Variants in TRAPPC9 observed in about 807,000 individuals in gnomAD.
TRAPPC9 encodes IKK2 binding protein.
In TRAPPC9, 83 loss-of-function variants were observed where a neutral mutation model predicts 124.0. That is an observed-to-expected ratio of 0.67 (90% CI 0.56 to 0.80). The LOEUF (loss-of-function observed/expected upper bound fraction) is 0.80, where lower values mean the gene tolerates loss of function less well. Ranked by LOEUF, TRAPPC9 falls within the 30% of genes least tolerant of loss-of-function variation. The pLI is 0.00. For synonymous variants in TRAPPC9, 638 were observed against 617.5 expected, an observed-to-expected ratio of 1.03 and a Z score of -0.49; for missense variants, 1,302 against 1,508.3, an observed-to-expected ratio of 0.86 and a Z score of 2.27.
chr8:139,988,305 G>A (rs911784661), intron 19 of TRAPPC9, among the ~76,000 whole-genome samples: 1 of 151,854 alleles, frequency 6.6e-6, no homozygotes, highest in Non-Finnish European at 1.5e-5. Context: ...TAGAGACGGG[G>A]TTTCACCATG....
intron 17 of TRAPPC9, among the ~76,000 whole-genome samples, chr8:140,039,029 T>G (rs1841092109): frequency 6.6e-6 from 1 of 152,106 alleles, no homozygotes; most frequent in Non-Finnish European, 1.5e-5. Flanking sequence ...AAGCCTCAGG[T>G]CAATGTGCAG....
chr8:140,351,427 T>C (rs767644389), intron 9 of TRAPPC9, among the ~76,000 whole-genome samples: 4 of 151,852 alleles, frequency 2.6e-5, no homozygotes, highest in South Asian at 2.1e-4. Flanking sequence ...CTTATGTAGG[T>C]AGCATTTACA....
chr8:139,875,343 G>A (rs1277858061), intron 21 of TRAPPC9, among the ~76,000 whole-genome samples: 2 of 152,146 alleles, frequency 1.3e-5, no homozygotes, highest in Non-Finnish European at 2.9e-5. Context: ...CCACAGGGAC[G>A]CAGAAAGGAG....
chr8:140,023,807 G>A (rs1839957470), intron 18 of TRAPPC9, 130 bp downstream of exon 18: 7 of 1,387,130 alleles, frequency 5.0e-6, no homozygotes, highest in South Asian at 4.7e-5. Flanking sequence ...ATCCCAGAGA[G>A]GCTCAGCAAC....
intron 15 of TRAPPC9, among the ~76,000 whole-genome samples, chr8:140,273,593 T>G (rs551629428): frequency 4.4e-4 from 67 of 152,338 alleles, no homozygotes; most frequent in African/African-American, 1.5e-3. Flanking sequence ...TCCCCTTTCT[T>G]GGCCAAAGGC....
At chr8:140,392,491 T>C (rs764874940) in intron 7 of TRAPPC9, among the ~76,000 whole-genome samples, 35 of 152,232 alleles carry the variant, frequency 2.3e-4, no homozygotes, top group Non-Finnish European at 4.0e-4. Context: ...CACAATTATC[T>C]ATGTTTATGT....
intron 21 of TRAPPC9, among the ~76,000 whole-genome samples, chr8:139,758,407 A>G (rs1820000367): frequency 6.6e-6 from 1 of 152,160 alleles, no homozygotes; most frequent in African/African-American, 2.4e-5. Context: ...CTTGGCTCAC[A>G]TATTGACTCT....
At chr8:140,418,965 T>C (rs1248319906) in intron 5 of TRAPPC9, among the ~76,000 whole-genome samples, 2 of 152,092 alleles carry the variant, frequency 1.3e-5, no homozygotes, top group African/African-American at 2.4e-5. Context: ...AAGAAAGCAT[T>C]TGATAAATTC....
intron 19 of TRAPPC9, chr8:139,932,437 A>C (rs200993084): frequency 1.5e-4 from 69 of 457,684 alleles, no homozygotes; most frequent in Non-Finnish European, 2.7e-4. Flanking sequence ...CATAAGTACA[A>C]GATGTTGGCT....
intron 19 of TRAPPC9, among the ~76,000 whole-genome samples, chr8:139,946,734 A>G (rs1043219665): frequency 9.9e-5 from 15 of 151,728 alleles, no homozygotes; most frequent in African/African-American, 3.4e-4. Flanking sequence ...AAATCCCAGC[A>G]CTTTGGGAGG....
chr8:140,282,758 T>C (rs28671230), intron 14 of TRAPPC9, among the ~76,000 whole-genome samples: 6,007 of 152,310 alleles, frequency 0.039, 214 homozygotes, highest in African/African-American at 0.099. Context: ...CTATATATGA[T>C]GTCATGTAAT....
intron 19 of TRAPPC9, among the ~76,000 whole-genome samples, chr8:139,928,375 C>T (rs935887259): frequency 6.6e-6 from 1 of 152,026 alleles, no homozygotes; most frequent in East Asian, 1.9e-4. Flanking sequence ...GCCTGTAATC[C>T]CAGCTACTCA....
In TRAPPC9 at chr8:139,744,598, C is replaced by T. The variant is rs1006851658; in HGVS notation, c.3056-12396G>A. On this transcript the variant is annotated intron_variant, in intron 21 of 22. Transcript: ENST00000438773. Reference sequence around the variant, plus strand: ...CATGGACACAGAACACAGGCTCTTTCCCCCCATCAGCGACTGTCAGGGCAC... The same window carrying T: ...CATGGACACAGAACACAGGCTCTTTTCCCCCATCAGCGACTGTCAGGGCAC... Among the ~76,000 whole-genome samples, 3 of 152,332 alleles carry T rather than the reference C, an allele frequency of 2.0e-5. No homozygotes were observed. The East Asian group carries it at 5.8e-4, about 29-fold the overall frequency.
intron 18 of TRAPPC9, among the ~76,000 whole-genome samples, chr8:140,005,785 G>A (rs993732434): frequency 2.0e-5 from 3 of 151,922 alleles, no homozygotes; most frequent in Non-Finnish European, 2.9e-5. Flanking sequence ...GGTGGTGCAC[G>A]CCTGTTGTTC....
In TRAPPC9 at chr8:140,252,070, G is replaced by C. The variant is rs574215517; in HGVS notation, c.2431+707C>G. 5.9e-5 allele frequency among the ~76,000 whole-genome samples: 9 copies of C among 151,796 alleles called. No homozygotes were observed. The East Asian group carries it at 1.7e-3, about 29-fold the overall frequency. ...GATGGAGTCTCACTGTGTTGCCCAG[G>C]CTGGAGTGCAGTGGCGTGATCTCGA... On this transcript the variant is annotated intron_variant, in intron 16 of 22. Coordinates refer to ENST00000438773, the MANE Select transcript of TRAPPC9 (RefSeq NM_001160372.4). The surrounding 1 kb of genome is among the most constrained non-coding windows in gnomAD (Gnocchi z 4.2).
At chr8:140,301,711 G>A (rs2065983710) in intron 10 of TRAPPC9, among the ~76,000 whole-genome samples, 2 of 152,224 alleles carry the variant, frequency 1.3e-5, no homozygotes, top group Non-Finnish European at 2.9e-5. Flanking sequence ...GCCTCCGCAG[G>A]AAGGTGAGGC....
chr8:140,165,536 CAAAAGA>C (rs2061820471), intron 17 of TRAPPC9, among the ~76,000 whole-genome samples: 1 of 118,642 alleles, frequency 8.4e-6, no homozygotes, highest in Non-Finnish European at 1.7e-5. Context: ...GAGTGTCTGT[CAAAAGA>C]AAAAGAAATG....
chr8:139,902,060 C>T (rs1831053034), intron 20 of TRAPPC9, among the ~76,000 whole-genome samples: 1 of 151,840 alleles, frequency 6.6e-6, no homozygotes, highest in Admixed American at 6.6e-5. Context: ...GCTAAAAATA[C>T]AGTGTGTATA....
At chr8:140,071,668 G>C (rs534890578) in intron 17 of TRAPPC9, among the ~76,000 whole-genome samples, 5 of 152,140 alleles carry the variant, frequency 3.3e-5, no homozygotes, top group Non-Finnish European at 7.3e-5. Flanking sequence ...GGTCTCTGGG[G>C]GTTAAGTTGA....
Sources: allele counts gnomAD v4.1 joint callset (sites outside exome capture counted in the v4.1 genomes callset), GRCh38; gene constraint gnomAD v4.1.1; non-coding constraint Gnocchi (gnomAD v3.1); transcripts MANE v1.5; gene names NCBI Gene and HGNC (gene_info 2026-07-23, HGNC 2026-07-21).